The following STRN3 variants were observed in gnomAD, a reference collection of about 807,000 sequenced individuals.
STRN3 encodes the protein striatin-3.
In STRN3, 29 loss-of-function variants were observed where a neutral mutation model predicts 95.6. The observed-to-expected ratio is 0.30, with a 90% CI of 0.23 to 0.41. STRN3 has a LOEUF of 0.41. Ranked by LOEUF, STRN3 falls within the 10% of genes least tolerant of loss-of-function variation. STRN3 has a pLI of 1.00. For synonymous variants in STRN3, 331 were observed against 357.6 expected, an observed-to-expected ratio of 0.93 and a Z score of 0.84; for missense variants, 890 against 972.1, an observed-to-expected ratio of 0.92 and a Z score of 1.12.
chr14:30,993,765 G>A (rs1374942569), intron 1 of STRN3, among the ~76,000 whole-genome samples: 10 of 151,304 alleles, frequency 6.6e-5, no homozygotes, highest in Admixed American at 2.6e-4. Flanking sequence ...CTGCAACCTC[G>A]GCCTCGCAGG....
chr14:31,024,889 G>T (rs983481093), intron 1 of STRN3, among the ~76,000 whole-genome samples: 1 of 152,134 alleles, frequency 6.6e-6, no homozygotes, highest in Admixed American at 6.6e-5. Flanking sequence ...AAATACCCAA[G>T]AAAGTTAAAT....
At chr14:31,015,376 ATT>A (rs1265146478) in intron 1 of STRN3, among the ~76,000 whole-genome samples, 2 of 142,804 alleles carry the variant, frequency 1.4e-5, no homozygotes, top group Non-Finnish European at 3.1e-5. Flanking sequence ...AACACTTTCA[ATT>A]TTTTTTTTTT....
chr14:31,014,483 G>A (rs1883143933), intron 1 of STRN3, among the ~76,000 whole-genome samples: 1 of 152,036 alleles, frequency 6.6e-6, no homozygotes, highest in South Asian at 2.1e-4. Flanking sequence ...GCCTCCAAAA[G>A]TGCTGGGATT....
At chr14:30,949,225 T>G (rs1879515872) in intron 4 of STRN3, among the ~76,000 whole-genome samples, 1 of 131,362 alleles carries the variant, frequency 7.6e-6, no homozygotes, top group Non-Finnish European at 1.7e-5. Context: ...AATCTATTCT[T>G]TCCTTCAAAT....
intron 1 of STRN3, among the ~76,000 whole-genome samples, chr14:30,960,798 G>A (rs1880158954): frequency 6.6e-6 from 1 of 150,910 alleles, no homozygotes; most frequent in Admixed American, 6.6e-5. Context: ...GAACCCGAGA[G>A]GCGGAGCTTG....
intron 13 of STRN3, among the ~76,000 whole-genome samples, chr14:30,909,359 G>A (rs899641797): frequency 1.3e-5 from 2 of 151,894 alleles, no homozygotes; most frequent in South Asian, 2.1e-4. Flanking sequence ...AAATTAGTGC[G>A]GTGTGGTGGC....
chr14:30,924,223 A>AC (rs1896955308), intron 8 of STRN3, among the ~76,000 whole-genome samples: 1 of 46,122 alleles, frequency 2.2e-5, no homozygotes, highest in Non-Finnish European at 4.0e-5. Context: ...AAAAAAAAAA[A>AC]AACAAAAAAA....
In STRN3 at chr14:30,968,447, C is replaced by T. The variant is rs542903437; in HGVS notation, c.283-12205G>A. On this transcript the variant is annotated intron_variant, in intron 1 of 17. Transcript: ENST00000357479. ...CTGTAATCCCAACACTTTGGGAGGC[C>T]GAGGCGGGCGGATCACGAGGTCAGG... 3.8e-3 allele frequency among the ~76,000 whole-genome samples: 567 copies of T among 149,962 alleles called. 2 individuals carry two copies. The highest frequency in any genetic ancestry group is 0.013 in the African/African-American group (533 of 40,934).
At position 30,895,469 on chromosome 14, in the gene STRN3, G is replaced by A. The variant is rs1303181237; in HGVS notation, c.2336C>T (p.Ser779Leu). The change falls in exon 18 of 18, where the codon TCG becomes TTG. Residue 779 changes from serine (S) to leucine (L), a missense_variant. Around this residue, in one of 3 missense-constraint regions of STRN3, gnomAD observed 357 missense variants for 422.8 expected, o/e 0.84. Transcript: ENST00000357479. ...TGCACTAGCTATATATGCTTTTGAC[G>A]AGTGGAAAGCAACATCATAAATTGA... ...DESIYDVAFH[S>L]SKAYIASAGA... 4 of 1,613,980 alleles carry A rather than the reference G, an allele frequency of 2.5e-6. No individual in the cohort carries two copies. Among genetic ancestry groups the A allele is most frequent in the Non-Finnish European group, 3.4e-6 (4 of 1,179,962 alleles).
In STRN3 at chr14:30,929,954, C is replaced by CAAAAAAAAAAAAAAAAAAAAAAAA. The variant is rs1191963792; in HGVS notation, c.989-667_989-644dup. Among the ~76,000 whole-genome samples, 20 of 39,994 alleles carry CAAAAAAAAAAAAAAAAAAAAAAAA rather than the reference C, an allele frequency of 5.0e-4. 3 individuals carry two copies. Among genetic ancestry groups the CAAAAAAAAAAAAAAAAAAAAAAAA allele is most frequent in the African/African-American group, 1.4e-3 (11 of 8,056 alleles). 26.2% of individuals were successfully genotyped at this position (39,994 alleles called of 152,430 possible). A position where few individuals can be genotyped will look rare whatever the true frequency, so the allele number is the denominator to read the frequency against. ...TCCATTGGTCTACAACTAAGATTAG[C>CAAAAAAAAAAAAAAAAAAAAAAAA]AAAAAAAAAAAAAAAAAAAAAAAAA... On this transcript the variant is annotated intron_variant, in intron 7 of 17. Transcript: ENST00000357479.
intron 1 of STRN3, among the ~76,000 whole-genome samples, chr14:30,999,087 G>T (rs571319221): frequency 6.6e-5 from 10 of 152,196 alleles, no homozygotes; most frequent in Non-Finnish European, 1.3e-4. Context: ...TAGAGACAGG[G>T]TCTCACTCTG....
chr14:30,929,234 T>C lies in STRN3; in HGVS notation c.1066A>G (p.Lys356Glu), dbSNP rs780344329. The C allele has an allele frequency of 3.7e-6, 6 of 1,613,256 alleles. No individual in the cohort carries two copies. Among genetic ancestry groups the C allele is most frequent in the Non-Finnish European group, 5.1e-6 (6 of 1,179,602 alleles). The change falls in exon 8 of 18, where the codon AAG (lysine) becomes GAG (glutamate). Residue 356 changes from lysine (K) to glutamate (E), a missense_variant. Physicochemically the swap from Lys to Glu is moderately conservative, Grantham distance 56. Coordinates refer to ENST00000357479, the MANE Select transcript of STRN3 (RefSeq NM_001083893.2). Reference sequence around the variant, plus strand: ...CCTTTCTTCCCCTTTCGTTCCTTCTTGTACTGTTCCTTCAGTTTACTTATT... The same window carrying C: ...CCTTTCTTCCCCTTTCGTTCCTTCTCGTACTGTTCCTTCAGTTTACTTATT... ...GLISKLKEQY[K>E]KERKGKKGVK...
chr14:31,008,384 T>C (rs1882816883), intron 1 of STRN3, among the ~76,000 whole-genome samples: 1 of 151,934 alleles, frequency 6.6e-6, no homozygotes, highest in African/African-American at 2.4e-5. Flanking sequence ...AGTACACGCC[T>C]GTAGTCCCAG....
chr14:30,897,162 T>C (rs1467008507), intron 16 of STRN3, among the ~76,000 whole-genome samples: 1 of 152,218 alleles, frequency 6.6e-6, no homozygotes, highest in East Asian at 1.9e-4. Flanking sequence ...GGTCCCATGA[T>C]GATACTCTAC....
At chr14:30,930,986 A>C (rs930584395) in intron 7 of STRN3, among the ~76,000 whole-genome samples, 2 of 152,188 alleles carry the variant, frequency 1.3e-5, no homozygotes, top group Non-Finnish European at 2.9e-5. Context: ...AGAACAGAAA[A>C]ATTTAATAAG....
intron 1 of STRN3, among the ~76,000 whole-genome samples, chr14:30,989,434 A>G (rs1247439982): frequency 6.6e-6 from 1 of 152,116 alleles, no homozygotes. Context: ...CAGCAGCAAC[A>G]AAACAGTCAT....
At chr14:30,956,453 G>C (rs371327479) in intron 1 of STRN3, among the ~76,000 whole-genome samples, 1 of 152,152 alleles carries the variant, frequency 6.6e-6, no homozygotes. Flanking sequence ...AGGAGTTTTA[G>C]ACCAGCCTAT....
intron 7 of STRN3, among the ~76,000 whole-genome samples, chr14:30,931,455 A>G (rs772700821): frequency 2.6e-5 from 4 of 152,230 alleles, no homozygotes. Context: ...CAAAAACACG[A>G]AATTCTATTA....
rs1896479664 is a variant in STRN3 at position 30,907,020 on chromosome 14, A to G, written c.1745T>C (p.Leu582Ser). The change falls in exon 14 of 18, where the codon TTA (leucine) becomes TCA (serine). Residue 582 changes from leucine to serine, a missense_variant. Leu to Ser is a moderately radical substitution (Grantham distance 145). Transcript: ENST00000357479. Reference protein sequence around the residue: ...TYEPNVLAGTLVGHTDAVWGL... With the variant: ...TYEPNVLAGTSVGHTDAVWGL... ...CCAAACTGCATCTGTATGACCAACT[A>G]AAGTGCCAGCTAGAACATTTGGCTC... The G allele has an allele frequency of 3.1e-6, 5 of 1,613,504 alleles. No individual in the cohort carries two copies. The highest frequency in any genetic ancestry group is 2.2e-5 in the East Asian group (1 of 44,822).
Sources: allele counts gnomAD v4.1 joint callset (sites outside exome capture counted in the v4.1 genomes callset), GRCh38; gene constraint gnomAD v4.1.1; regional missense constraint gnomAD v4.1.1; transcripts MANE v1.5; gene names NCBI Gene and HGNC (gene_info 2026-07-23, HGNC 2026-07-21).